The following ITGBL1 variants were observed in gnomAD, a reference collection of about 807,000 sequenced individuals.
ITGBL1 encodes the protein integrin subunit beta like 1.
ITGBL1 carries 51 observed loss-of-function variants against 68.5 expected under a neutral mutation model. The observed-to-expected ratio is 0.74, with a 90% CI of 0.59 to 0.94. ITGBL1 has a LOEUF of 0.94. Ranked by LOEUF, ITGBL1 falls within the 40% of genes least tolerant of loss-of-function variation. ITGBL1 has a pLI of 0.00. For synonymous variants in ITGBL1, 209 were observed against 227.3 expected, an observed-to-expected ratio of 0.92 and a Z score of 0.72; for missense variants, 649 against 647.4, an observed-to-expected ratio of 1.00 and a Z score of -0.03.
At chr13:101,543,873 G>A (rs945105093) in intron 2 of ITGBL1, among the ~76,000 whole-genome samples, 6 of 152,152 alleles carry the variant, frequency 3.9e-5, no homozygotes, top group African/African-American at 9.7e-5. Flanking sequence ...CATTTGTCAC[G>A]TAGTTCTCGT....
intron 7 of ITGBL1, among the ~76,000 whole-genome samples, chr13:101,678,622 C>T (rs1245240041): frequency 6.6e-6 from 1 of 151,862 alleles, no homozygotes; most frequent in Non-Finnish European, 1.5e-5. Context: ...GCCTCAGCCT[C>T]CTCAGTAGCT....
intron 7 of ITGBL1, among the ~76,000 whole-genome samples, chr13:101,600,627 A>G (rs1387709815): frequency 2.0e-5 from 3 of 152,118 alleles, no homozygotes; most frequent in East Asian, 3.9e-4. Flanking sequence ...TACCTAATTT[A>G]TTGAGAGTTT....
At chr13:101,640,809 A>G (rs912835149) in intron 7 of ITGBL1, among the ~76,000 whole-genome samples, 2 of 151,910 alleles carry the variant, frequency 1.3e-5, no homozygotes, top group African/African-American at 4.8e-5. Flanking sequence ...CCCACTGTCT[A>G]TTGTTCCCAT....
rs920572522 is a variant in ITGBL1, at chr13:101,605,904, G to A, written c.1015+7605G>A. On this transcript the variant is annotated intron_variant, in intron 7 of 10. Coordinates refer to ENST00000376180, the MANE Select transcript of ITGBL1 (RefSeq NM_004791.3). The stretch of plus-strand genomic sequence containing the variant: ...TATATAGACATGTATGCGTGCATGT[G>A]TATATGTACACATATATAGACATAT... Among the ~76,000 whole-genome samples the A allele has an allele frequency of 2.1e-5, 3 of 143,222 alleles. No homozygotes were observed. The Admixed American group carries it at 2.2e-4, about 10-fold the overall frequency. The allele number at this position is 143,222 out of a possible 152,430, so 94.0% of individuals were successfully genotyped here.
At chr13:101,574,314 C>T (rs2783396) in intron 3 of ITGBL1, among the ~76,000 whole-genome samples, 28,436 of 152,048 alleles carry the variant, frequency 0.19, 2,882 homozygotes, top group East Asian at 0.23. Context: ...GCTATTGTCT[C>T]ATGCTGGAAG....
At chr13:101,623,496 A>G (rs2031664802) in intron 7 of ITGBL1, among the ~76,000 whole-genome samples, 1 of 152,182 alleles carries the variant, frequency 6.6e-6, no homozygotes, top group African/African-American at 2.4e-5. Flanking sequence ...ATGGAGAAGC[A>G]TTATGTCATT....
At chr13:101,643,325 A>G (rs1268694211) in intron 7 of ITGBL1, among the ~76,000 whole-genome samples, 2 of 150,240 alleles carry the variant, frequency 1.3e-5, no homozygotes, top group Non-Finnish European at 3.0e-5. Flanking sequence ...TCTTTGAAGC[A>G]ATTGTGAATG....
At chr13:101,563,560 C>T (rs1220809544) in intron 2 of ITGBL1, among the ~76,000 whole-genome samples, 1 of 151,570 alleles carries the variant, frequency 6.6e-6, no homozygotes, top group Non-Finnish European at 1.5e-5. Flanking sequence ...TGAAATGGGC[C>T]AAGTCCTTGA....
chr13:101,626,793 A>G (rs1237980242), intron 7 of ITGBL1, among the ~76,000 whole-genome samples: 1 of 152,228 alleles, frequency 6.6e-6, no homozygotes, highest in African/African-American at 2.4e-5. Context: ...TTTTATAAAG[A>G]AATCATTTTA....
chr13:101,509,429 A>G (rs1030017425), intron 2 of ITGBL1, among the ~76,000 whole-genome samples: 3 of 152,128 alleles, frequency 2.0e-5, no homozygotes, highest in African/African-American at 7.2e-5. Context: ...GCATTAAGCA[A>G]CTCTGAAAAT....
chr13:101,707,709 C>T (rs1442231543), intron 9 of ITGBL1, among the ~76,000 whole-genome samples: 2 of 151,612 alleles, frequency 1.3e-5, no homozygotes, highest in Non-Finnish European at 2.9e-5. Context: ...AAAAATTAGC[C>T]AGGCATTGTG....
chr13:101,682,766 T>C (rs537713613), intron 7 of ITGBL1, among the ~76,000 whole-genome samples: 4 of 152,158 alleles, frequency 2.6e-5, no homozygotes, highest in African/African-American at 9.6e-5. Flanking sequence ...GTTTATATTT[T>C]AGTCTTAGGT....
intron 7 of ITGBL1, among the ~76,000 whole-genome samples, chr13:101,623,520 G>A (rs1306412665): frequency 6.6e-6 from 1 of 152,118 alleles, no homozygotes; most frequent in Admixed American, 6.6e-5. Context: ...TTTATAAAAG[G>A]CTGATAAATA....
chr13:101,703,557 C>T (rs1425136865), intron 8 of ITGBL1, among the ~76,000 whole-genome samples: 11 of 152,088 alleles, frequency 7.2e-5, no homozygotes, highest in Non-Finnish European at 1.5e-4. Flanking sequence ...TAGGAATCTA[C>T]GAGCCAGAGT....
intron 3 of ITGBL1, among the ~76,000 whole-genome samples, chr13:101,573,968 C>T (rs2050314090): frequency 6.6e-6 from 1 of 152,142 alleles, no homozygotes; most frequent in Admixed American, 6.6e-5. Flanking sequence ...TGTCTAGCCA[C>T]TGTCTTCTTT....
At chr13:101,466,301 T>A (rs2048381167) in intron 2 of ITGBL1, among the ~76,000 whole-genome samples, 1 of 152,228 alleles carries the variant, frequency 6.6e-6, no homozygotes, top group South Asian at 2.1e-4. Context: ...CACCACTTGG[T>A]GAATCACCGT....
chr13:101,676,266 T>C lies in ITGBL1; in HGVS notation c.1016-16319T>C, dbSNP rs1055294361. Among the ~76,000 whole-genome samples the C allele has an allele frequency of 2.0e-5, 3 of 152,226 alleles. No individual in the cohort carries two copies. The South Asian group carries it at 6.2e-4, about 32-fold the overall frequency. On this transcript the variant is annotated intron_variant, in intron 7 of 10. Transcript: ENST00000376180. Reference sequence around the variant, plus strand: ...TTTAAACATTGTTTATCAAAATCGGTAGAATTTTGTAAATGATATGATCTT... The same window carrying C: ...TTTAAACATTGTTTATCAAAATCGGCAGAATTTTGTAAATGATATGATCTT...
At chr13:101,595,613 C>T (rs1238521783) in intron 6 of ITGBL1, among the ~76,000 whole-genome samples, 1 of 152,034 alleles carries the variant, frequency 6.6e-6, no homozygotes, top group Non-Finnish European at 1.5e-5. Context: ...TGCTTAACAT[C>T]ACTAATAGGG....
At chr13:101,713,591 T>C (rs1484124018) in intron 9 of ITGBL1, 2 of 152,188 alleles carry the variant, frequency 1.3e-5, no homozygotes, top group African/African-American at 2.4e-5. Flanking sequence ...AGTTTTTCCA[T>C]GTAAGGGTTT....
Sources: allele counts gnomAD v4.1 joint callset (sites outside exome capture counted in the v4.1 genomes callset), GRCh38; gene constraint gnomAD v4.1.1; transcripts MANE v1.5; gene names NCBI Gene and HGNC (gene_info 2026-07-23, HGNC 2026-07-21).